The following DPP10 variants were observed in gnomAD, a reference collection of about 807,000 sequenced individuals.
The protein encoded by DPP10 is inactive dipeptidyl peptidase 10.
DPP10 carries 33 observed loss-of-function variants against 120.9 expected under a neutral mutation model. The observed-to-expected ratio is 0.27, with a 90% CI of 0.21 to 0.37. DPP10 has a LOEUF of 0.37. Among genes scored for constraint, DPP10 ranks in the 10% least tolerant of loss-of-function variants. The pLI is 1.00. For missense variants in DPP10, 816 were observed against 942.8 expected (o/e 0.87, Z 1.76); for synonymous variants, 337 against 326.1 (o/e 1.03, Z -0.36).
intron 19 of DPP10, among the ~76,000 whole-genome samples, chr2:115,796,502 A>T (rs1407119153): frequency 6.6e-6 from 1 of 152,164 alleles, no homozygotes; most frequent in Non-Finnish European, 1.5e-5. Flanking sequence ...TTAAGTCGAG[A>T]TGGAGAAATG....
chr2:115,675,714 A>G (rs1305483242), intron 5 of DPP10, among the ~76,000 whole-genome samples: 1 of 152,160 alleles, frequency 6.6e-6, no homozygotes, highest in Non-Finnish European at 1.5e-5. Context: ...CACCAGAGGG[A>G]GTTGCCTGGA....
intron 3 of DPP10, among the ~76,000 whole-genome samples, chr2:115,428,243 C>G (rs951355626): frequency 6.6e-6 from 1 of 152,196 alleles, no homozygotes; most frequent in African/African-American, 2.4e-5. Flanking sequence ...ACCCTCCACA[C>G]TGTTCCAGCC....
chr2:114,616,258 C>T (rs148885516), intron 1 of DPP10, among the ~76,000 whole-genome samples: 138 of 152,184 alleles, frequency 9.1e-4, no homozygotes, highest in African/African-American at 3.2e-3. Flanking sequence ...GAGTGTGCAT[C>T]CGTCTTCCAT....
chr2:115,219,264 A>T (rs2057006445), intron 1 of DPP10, among the ~76,000 whole-genome samples: 1 of 152,102 alleles, frequency 6.6e-6, no homozygotes, highest in African/African-American at 2.4e-5. Flanking sequence ...TTCTAGACCA[A>T]AATTCTCGAA....
chr2:114,825,191 G>T (rs1686423264), intron 1 of DPP10, among the ~76,000 whole-genome samples: 1 of 152,200 alleles, frequency 6.6e-6, no homozygotes, highest in Non-Finnish European at 1.5e-5. Context: ...GGCTCCGAGA[G>T]TGACTATATA....
At chr2:115,033,969 CT>C (rs1237731429) in intron 1 of DPP10, among the ~76,000 whole-genome samples, 2 of 132,974 alleles carry the variant, frequency 1.5e-5, no homozygotes, top group African/African-American at 5.8e-5. Flanking sequence ...GCAATCTTGG[CT>C]TACTGAAACC....
At chr2:115,121,863 AGGCTGACTTTT>A (rs2049840872) in intron 1 of DPP10, among the ~76,000 whole-genome samples, 1 of 152,162 alleles carries the variant, frequency 6.6e-6, no homozygotes, top group African/African-American at 2.4e-5. Flanking sequence ...CTGGGTCCTG[AGGCTGACTTTT>A]GTAATTTTCT....
At chr2:115,532,333 TG>T (rs2078519487) in intron 5 of DPP10, among the ~76,000 whole-genome samples, 1 of 152,058 alleles carries the variant, frequency 6.6e-6, no homozygotes, top group Non-Finnish European at 1.5e-5. Context: ...GTTGCAGAGC[TG>T]GGAGTGAATT....
intron 1 of DPP10, among the ~76,000 whole-genome samples, chr2:114,723,855 A>C (rs766594609): frequency 6.6e-6 from 1 of 152,200 alleles, no homozygotes; most frequent in Non-Finnish European, 1.5e-5. Flanking sequence ...TAAATTGTTA[A>C]TGACTAAATC....
chr2:115,162,219 G>C, intron 1 of DPP10: 1 of 1,558,540 alleles, frequency 6.4e-7, no homozygotes. Flanking sequence ...GTGCGCTCCG[G>C]GGCCCGGCGA....
intron 1 of DPP10, among the ~76,000 whole-genome samples, chr2:115,049,745 C>T (rs1331889119): frequency 1.3e-5 from 2 of 152,172 alleles, no homozygotes; most frequent in African/African-American, 4.8e-5. Flanking sequence ...TGCATTTCTG[C>T]ACTCTTCTTC....
chr2:114,638,400 A>G (rs1695459460), intron 1 of DPP10, among the ~76,000 whole-genome samples: 1 of 151,902 alleles, frequency 6.6e-6, no homozygotes, highest in African/African-American at 2.4e-5. Flanking sequence ...ACGAAGGACT[A>G]AAATCCAGAA....
At chr2:114,691,461 G>T (rs1003821394) in intron 1 of DPP10, among the ~76,000 whole-genome samples, 2 of 152,054 alleles carry the variant, frequency 1.3e-5, no homozygotes, top group Non-Finnish European at 2.9e-5. Flanking sequence ...GCTGGATTTG[G>T]TTTGCCAGTA....
In DPP10 at chr2:114,510,487, C is replaced by G. The variant is rs201024296; in HGVS notation, c.60+67649C>G. Reference sequence around the variant, plus strand: ...GGCATGGTTGTGTGTGCCAGTAATCCCAGCTACTCAGGAGGCTGAGGCAGG... The same window carrying G: ...GGCATGGTTGTGTGTGCCAGTAATCGCAGCTACTCAGGAGGCTGAGGCAGG... On this transcript the variant is annotated intron_variant, in intron 1 of 25. Coordinates refer to ENST00000410059, the MANE Select transcript of DPP10 (RefSeq NM_020868.6). Among the ~76,000 whole-genome samples the G allele has an allele frequency of 7.2e-5, 11 of 152,130 alleles. No individual in the cohort carries two copies. In the East Asian group the frequency reaches 1.9e-3, roughly 27 times the overall value.
At chr2:115,397,293 G>T (rs1213202708) in intron 3 of DPP10, among the ~76,000 whole-genome samples, 1 of 152,112 alleles carries the variant, frequency 6.6e-6, no homozygotes, top group Non-Finnish European at 1.5e-5. Flanking sequence ...AACTCACTGT[G>T]AACAAATCAA....
intron 5 of DPP10, among the ~76,000 whole-genome samples, chr2:115,634,684 A>T (rs567433296): frequency 2.6e-4 from 39 of 152,294 alleles, no homozygotes; most frequent in African/African-American, 9.1e-4. Flanking sequence ...GTTCTCCTCC[A>T]GTCAGGAGGC....
In DPP10 at chr2:114,817,094, C is replaced by T. The variant is rs114978070; in HGVS notation, c.60+374256C>T. Reference sequence around the variant, plus strand: ...TGGTTTTGAGGGAGACTTTTAAAGGCAGCTTTTAATAAGACCAGCCATTCA... The same window carrying T: ...TGGTTTTGAGGGAGACTTTTAAAGGTAGCTTTTAATAAGACCAGCCATTCA... On this transcript the variant is annotated intron_variant, in intron 1 of 25. Transcript: ENST00000410059. Among the ~76,000 whole-genome samples the T allele has an allele frequency of 4.3e-3, 653 of 152,256 alleles. 7 individuals are homozygous for T. Among genetic ancestry groups the T allele is most frequent in the African/African-American group, 0.015 (629 of 41,542 alleles).
chr2:115,302,657 C>T (rs13398771), intron 1 of DPP10, among the ~76,000 whole-genome samples: 278 of 152,006 alleles, frequency 1.8e-3, no homozygotes, highest in African/African-American at 6.4e-3. Context: ...AAAAGAGCAA[C>T]AAAAGACACT....
intron 7 of DPP10, among the ~76,000 whole-genome samples, chr2:115,698,081 G>A (rs1023778745): frequency 2.0e-5 from 3 of 152,066 alleles, no homozygotes; most frequent in African/African-American, 4.8e-5. Context: ...GTTCTTTCAC[G>A]GGCGTTTGAG....
Sources: allele counts gnomAD v4.1 joint callset (sites outside exome capture counted in the v4.1 genomes callset), GRCh38; gene constraint gnomAD v4.1.1; transcripts MANE v1.5; gene names NCBI Gene and HGNC (gene_info 2026-07-23, HGNC 2026-07-21).